ARHGEF4: variants seen among roughly 807,000 people sequenced by gnomAD.
ARHGEF4 encodes APC-stimulated guanine nucleotide exchange factor 1.
Under a neutral mutation model 162.0 loss-of-function variants are expected in ARHGEF4, and 119 were observed. The observed-to-expected ratio is 0.73, with a 90% confidence interval of 0.63 to 0.86. The LOEUF (loss-of-function observed/expected upper bound fraction) is 0.86, where lower values mean the gene tolerates loss of function less well. ARHGEF4 is among the 40% of genes least tolerant of loss of function. ARHGEF4 has a pLI of 0.00. For synonymous variants in ARHGEF4, 1,014 were observed against 979.9 expected (o/e 1.03, Z -0.65); for missense variants, 2,488 against 2,456.0 (o/e 1.01, Z -0.28).
chr2:130,986,048 GTA>G lies in ARHGEF4; in HGVS notation c.3985+39417_3985+39418del, dbSNP rs374484584. Among the ~76,000 whole-genome samples the G allele has an allele frequency of 6.1e-4, 93 of 151,908 alleles. 1 individual carries two copies. The highest frequency in any genetic ancestry group is 1.4e-3 in the African/African-American group (58 of 41,384). On this transcript the variant is annotated intron_variant, in intron 4 of 13. Transcript: ENST00000409359. ...GTGCATGTTTTGTGTGTTATGTATAGTATATGTTATGTGTGTAGTGTGCATGA... is the reference window on the plus strand; with the variant it reads ...GTGCATGTTTTGTGTGTTATGTATAGTATGTTATGTGTGTAGTGTGCATGA...
chr2:130,950,928 T>C (rs774359922), intron 4 of ARHGEF4, among the ~76,000 whole-genome samples: 19 of 152,222 alleles, frequency 1.2e-4, no homozygotes, highest in Non-Finnish European at 2.4e-4. Flanking sequence ...ATTCATCCAC[T>C]GATGAGCAAT....
rs79759350 is a variant in ARHGEF4 at position 130,921,170 on chromosome 2, A to G, written c.3552+3672A>G. Reference sequence around the variant, plus strand: ...TTACACATTGCTTTAAACTTTACTCAGTCTATTTTGTGTCTGCCTTCCCCT... The same window carrying G: ...TTACACATTGCTTTAAACTTTACTCGGTCTATTTTGTGTCTGCCTTCCCCT... On this transcript the variant is annotated intron_variant, in intron 2 of 13. Coordinates refer to ENST00000409359, the MANE Select transcript of ARHGEF4 (RefSeq NM_001367493.1). Among the ~76,000 whole-genome samples, 914 of 152,278 alleles carry G rather than the reference A, an allele frequency of 6.0e-3. 7 individuals carry two copies. Among genetic ancestry groups the G allele is most frequent in the African/African-American group, 0.021 (880 of 41,540 alleles).
At chr2:130,939,491 C>G (rs1683160144) in intron 3 of ARHGEF4, among the ~76,000 whole-genome samples, 1 of 152,140 alleles carries the variant, frequency 6.6e-6, no homozygotes, top group Non-Finnish European at 1.5e-5. Flanking sequence ...ATCTTCAAAG[C>G]TATGTACTGA....
At chr2:130,860,442 C>T (rs1047601750) in intron 1 of ARHGEF4, among the ~76,000 whole-genome samples, 1 of 76,132 alleles carries the variant, frequency 1.3e-5, no homozygotes, top group Non-Finnish European at 2.2e-5. Context: ...GGCACAGTGG[C>T]TCACGCCTGT....
chr2:130,913,929 C>A, intron 1 of ARHGEF4, 57 bp from the exon 2 acceptor site: 2 of 1,527,882 alleles, frequency 1.3e-6, no homozygotes, highest in Non-Finnish European at 1.8e-6. Flanking sequence ...ACGGTGTAAA[C>A]ATGTGCACAG....
In ARHGEF4 at chr2:130,916,116, G is replaced by T. The variant is rs556187097; in HGVS notation, c.2170G>T (p.Glu724Ter). The stretch of plus-strand genomic sequence containing the variant: ...AGTGCTGGTCCCCCAAGCTGCTTCG[G>T]AAGAGACGCCGAGCACAGAGGAGCC... ...GRVLVPQAAS[E>*]ETPSTEEPPG... Residue 724 changes from glutamate to a stop codon, truncating the protein, a stop_gained, in exon 2 of 14, where the codon GAA (glutamate) becomes TAA (stop). Coordinates refer to ENST00000409359, the MANE Select transcript of ARHGEF4 (RefSeq NM_001367493.1). LOFTEE classifies it high-confidence loss of function. 9.7e-6 allele frequency: 15 copies of T among 1,549,934 alleles called. 1 individual carries two copies. In the Admixed American group the frequency reaches 2.4e-4, roughly 24 times the overall value.
chr2:131,033,471 G>C (rs962397510), intron 5 of ARHGEF4, among the ~76,000 whole-genome samples: 1 of 152,150 alleles, frequency 6.6e-6, no homozygotes, highest in Non-Finnish European at 1.5e-5. Flanking sequence ...TGCCTTTGCC[G>C]GCCATCCAGC....
intron 1 of ARHGEF4, among the ~76,000 whole-genome samples, chr2:130,880,307 T>C (rs1679111070): frequency 1.3e-5 from 2 of 152,194 alleles, no homozygotes; most frequent in East Asian, 3.9e-4. Context: ...GGAACAGGGA[T>C]TTGTACCCAT....
Position 130,964,209 on chromosome 2 carries a change from C to A in ARHGEF4, c.3985+17574C>A, listed in dbSNP as rs575492307. On this transcript the variant is annotated intron_variant, in intron 4 of 13. Transcript: ENST00000409359. The stretch of plus-strand genomic sequence containing the variant: ...ACGGGGGCATGCGCGGCGCCGTGTC[C>A]CGCTCCTGGAGCCTGGAGAGCCTGC... 1.3e-4 allele frequency: 131 copies of A among 985,402 alleles called. No individual in the cohort carries two copies. The African/African-American group carries it at 2.1e-3, about 16-fold the overall frequency. 61.0% of individuals were successfully genotyped at this position (985,402 alleles called of 1,614,324 possible).
At chr2:130,904,814 C>T (rs1242983386) in intron 1 of ARHGEF4, among the ~76,000 whole-genome samples, 1 of 151,968 alleles carries the variant, frequency 6.6e-6, no homozygotes. Flanking sequence ...CTTGGTGGCT[C>T]ATGCCTGTAA....
intron 4 of ARHGEF4, among the ~76,000 whole-genome samples, chr2:130,981,342 C>G (rs374311847): frequency 8.5e-5 from 13 of 152,234 alleles, no homozygotes; most frequent in African/African-American, 3.1e-4. Context: ...TACGCATACA[C>G]AAGAAAAACC....
intron 5 of ARHGEF4, among the ~76,000 whole-genome samples, chr2:131,030,579 AG>A (rs1242763403): frequency 6.6e-6 from 1 of 152,224 alleles, no homozygotes; most frequent in Non-Finnish European, 1.5e-5. Context: ...GCGATGCTGC[AG>A]GCTGGTGCTG....
chr2:130,956,490 A>G (rs1362624206), intron 4 of ARHGEF4, among the ~76,000 whole-genome samples: 2 of 151,738 alleles, frequency 1.3e-5, no homozygotes, highest in Admixed American at 1.3e-4. Context: ...AAAGGACTAT[A>G]AATCATGCTG....
At chr2:130,867,424 GA>G (rs1167424354) in intron 1 of ARHGEF4, among the ~76,000 whole-genome samples, 2 of 151,882 alleles carry the variant, frequency 1.3e-5, no homozygotes, top group East Asian at 3.9e-4. Context: ...TTTTAGTAGA[GA>G]GGGGGTTTCA....
chr2:131,032,540 A>G (rs1161304807), intron 5 of ARHGEF4, among the ~76,000 whole-genome samples: 6 of 152,094 alleles, frequency 3.9e-5, no homozygotes, highest in African/African-American at 9.6e-5. Flanking sequence ...TAGGTGCTCC[A>G]TGAGGCGGGG....
At chr2:130,885,528 GCATATTCAAAC>G (rs1157825408) in intron 1 of ARHGEF4, among the ~76,000 whole-genome samples, 3 of 150,414 alleles carry the variant, frequency 2.0e-5, no homozygotes, top group African/African-American at 2.5e-5. Flanking sequence ...GGGGGTGAGG[GCATATTCAAAC>G]CATAGCACTC....
chr2:131,014,682 C>G (rs1204863648), intron 4 of ARHGEF4, among the ~76,000 whole-genome samples: 1 of 152,090 alleles, frequency 6.6e-6, no homozygotes, highest in Non-Finnish European at 1.5e-5. Context: ...GTCTCTTTCT[C>G]TCTGTGCCAC....
At position 130,915,312 on chromosome 2, in the gene ARHGEF4, G is replaced by A; in HGVS notation, c.1366G>A (p.Glu456Lys). ...LVKLSAEEVP[E>K]PAECKSEQSP... The stretch of plus-strand genomic sequence containing the variant: ...GAAGCTCAGTGCAGAGGAAGTGCCT[G>A]AGCCCGCTGAGTGCAAGTCAGAGCA... Residue 456 changes from glutamate to lysine, a missense_variant, in exon 2 of 14, where the codon GAG becomes AAG. By Grantham distance (56) the Glu-to-Lys change is moderately conservative. Coordinates refer to ENST00000409359, the MANE Select transcript of ARHGEF4 (RefSeq NM_001367493.1). 1 of 1,550,662 alleles carries A rather than the reference G, an allele frequency of 6.4e-7. No homozygotes were observed. The highest frequency in any genetic ancestry group is 8.7e-7 in the Non-Finnish European group (1 of 1,147,030).
At chr2:130,851,634 G>A (rs1334124752) in intron 1 of ARHGEF4, among the ~76,000 whole-genome samples, 2 of 152,228 alleles carry the variant, frequency 1.3e-5, no homozygotes, top group Non-Finnish European at 2.9e-5. Context: ...GGCAGAGCTC[G>A]ACACTATGTG....
Sources: gnomAD v4.1 joint callset for allele counts (sites outside exome capture counted in the v4.1 genomes callset) on GRCh38, gnomAD v4.1.1 for gene constraint, MANE v1.5 for transcripts, NCBI Gene and HGNC (gene_info 2026-07-23, HGNC 2026-07-21) for gene names.